The following SAMD4A variants were observed in gnomAD, a reference collection of about 807,000 sequenced individuals.
The protein encoded by SAMD4A is sterile alpha motif domain containing 4A.
In SAMD4A, 33 loss-of-function variants were observed where a neutral mutation model predicts 81.3. The ratio of observed to expected loss-of-function variants is 0.41; its 90% CI spans 0.31 to 0.54. The LOEUF (loss-of-function observed/expected upper bound fraction) is 0.54, where lower values mean the gene tolerates loss of function less well. Among genes scored for constraint, SAMD4A ranks in the 20% least tolerant of loss-of-function variants. The probability of loss-of-function intolerance (pLI) is 0.37; values close to 1 mark genes in which losing one functional copy is unlikely to be tolerated. For synonymous variants in SAMD4A, 389 were observed against 382.1 expected (o/e 1.02, Z -0.21); for missense variants, 854 against 951.1 (o/e 0.90, Z 1.34).
At chr14:54,771,677 A>T (rs991989392) in intron 9 of SAMD4A, among the ~76,000 whole-genome samples, 15 of 152,342 alleles carry the variant, frequency 9.8e-5, no homozygotes, top group African/African-American at 3.6e-4. Flanking sequence ...CTCTGAGAGC[A>T]GCAATACTTT....
chr14:54,779,356 C>T (rs184568122), intron 11 of SAMD4A, among the ~76,000 whole-genome samples: 30 of 152,336 alleles, frequency 2.0e-4, no homozygotes, highest in Middle Eastern at 6.8e-3. Flanking sequence ...ACTCGGAAAA[C>T]TGTTATCATA....
At chr14:54,705,555 C>G (rs1258380564) in intron 3 of SAMD4A, among the ~76,000 whole-genome samples, 2 of 141,694 alleles carry the variant, frequency 1.4e-5, no homozygotes, top group Non-Finnish European at 3.1e-5. Flanking sequence ...AACCAGAAGG[C>G]CAGCCACCTC....
At chr14:54,788,165 G>A (rs2039188337) in intron 12 of SAMD4A, among the ~76,000 whole-genome samples, 2 of 152,126 alleles carry the variant, frequency 1.3e-5, no homozygotes, top group African/African-American at 2.4e-5. Flanking sequence ...TCAGATTCTC[G>A]AGACAGAGAA....
chr14:54,760,728 A>T (rs1481784549), intron 7 of SAMD4A, among the ~76,000 whole-genome samples: 1 of 151,828 alleles, frequency 6.6e-6, no homozygotes, highest in Non-Finnish European at 1.5e-5. Context: ...TTCTCTCCCA[A>T]CTCCCTCAGA....
At chr14:54,644,207 G>A (rs1049678957) in intron 2 of SAMD4A, among the ~76,000 whole-genome samples, 2 of 152,210 alleles carry the variant, frequency 1.3e-5, no homozygotes, top group African/African-American at 4.8e-5. Flanking sequence ...CTGCTAAGGA[G>A]AATGGGACAG....
At chr14:54,724,003 T>TGGAAGGAAGGAAGGAA (rs1311416081) in intron 3 of SAMD4A, among the ~76,000 whole-genome samples, 2,351 of 55,942 alleles carry the variant, frequency 0.042, 24 homozygotes, top group Admixed American at 0.065. Flanking sequence ...GATGGATGGA[T>TGGAAGGAAGGAAGGAA]GGATGGAAGG....
chr14:54,792,696 C>T lies in SAMD4A; in HGVS notation c.*3752C>T, dbSNP rs943279640. 1.4e-5 allele frequency: 2 copies of T among 147,218 alleles called. No homozygotes were observed. Among genetic ancestry groups the T allele is most frequent in the South Asian group, 2.1e-4 (1 of 4,694 alleles). The allele number at this position is 147,218 out of a possible 1,614,324, so 9.1% of individuals were successfully genotyped here. A position where few individuals can be genotyped will look rare whatever the true frequency, so the allele number is the denominator to read the frequency against. ...ATTTGCACATGGAGCTGTGATAACA[C>T]TAATGTTGATTTTTTTTTTTTTTAC... is the stretch of plus-strand genomic sequence containing the variant. On this transcript the variant is annotated 3_prime_UTR_variant, in exon 13 of 13. Transcript: ENST00000554335.
intron 3 of SAMD4A, among the ~76,000 whole-genome samples, chr14:54,727,852 GT>G (rs2037466107): frequency 6.6e-6 from 1 of 152,164 alleles, no homozygotes; most frequent in Non-Finnish European, 1.5e-5. Context: ...GCACTACCTA[GT>G]TTGTATAACA....
intron 4 of SAMD4A, 25 bp downstream of exon 4, chr14:54,737,312 T>G: frequency 6.2e-7 from 1 of 1,612,352 alleles, no homozygotes; most frequent in Non-Finnish European, 8.5e-7. Context: ...GAGAAACCAC[T>G]GGGGAAAGAG....
intron 3 of SAMD4A, among the ~76,000 whole-genome samples, chr14:54,705,136 G>A (rs1957362): frequency 0.65 from 98,459 of 152,036 alleles, 32,699 homozygotes; most frequent in Admixed American, 0.71. Flanking sequence ...TTATGTAAAT[G>A]CCCAGCCTGG....
chr14:54,681,343 G>A (rs993795773), intron 2 of SAMD4A, among the ~76,000 whole-genome samples: 4 of 152,222 alleles, frequency 2.6e-5, no homozygotes, highest in African/African-American at 4.8e-5. Context: ...ATACTAATCA[G>A]ACATGAAAGC....
chr14:54,639,578 C>T (rs188276966), intron 2 of SAMD4A, among the ~76,000 whole-genome samples: 7 of 152,310 alleles, frequency 4.6e-5, no homozygotes, highest in East Asian at 1.9e-4. Flanking sequence ...CCTGTTACGG[C>T]GGGCAGTACT....
At chr14:54,731,768 A>C (rs543479750) in intron 3 of SAMD4A, among the ~76,000 whole-genome samples, 6 of 152,208 alleles carry the variant, frequency 3.9e-5, no homozygotes, top group Non-Finnish European at 8.8e-5. Flanking sequence ...CTCATAGGGC[A>C]TGATGAGAGC....
chr14:54,785,274 A>G (rs988473300), intron 12 of SAMD4A, among the ~76,000 whole-genome samples: 11 of 152,254 alleles, frequency 7.2e-5, no homozygotes, highest in African/African-American at 2.2e-4. Flanking sequence ...TGGCCCCACA[A>G]GCAGCTCACA....
chr14:54,698,258 T>C (rs942609320), intron 2 of SAMD4A, among the ~76,000 whole-genome samples: 1 of 152,266 alleles, frequency 6.6e-6, no homozygotes, highest in African/African-American at 2.4e-5. Context: ...AATACATTTA[T>C]ATAATGTTTA....
At chr14:54,698,370 C>T (rs766217961) in intron 2 of SAMD4A, among the ~76,000 whole-genome samples, 19 of 152,148 alleles carry the variant, frequency 1.2e-4, no homozygotes, top group African/African-American at 2.9e-4. Context: ...CTTATGGCCA[C>T]GCTGTTGTAG....
intron 2 of SAMD4A, among the ~76,000 whole-genome samples, chr14:54,676,604 A>G (rs1315158586): frequency 6.6e-6 from 1 of 152,114 alleles, no homozygotes; most frequent in African/African-American, 2.4e-5. Context: ...GCTGGTCTCA[A>G]ACTCCTGACC....
chr14:54,567,939 G>T lies in SAMD4A; in HGVS notation c.23G>T (p.Gly8Val). The T allele has an allele frequency of 6.2e-7, 1 of 1,609,484 alleles. No homozygotes were observed. The highest frequency in any genetic ancestry group is 8.5e-7 in the Non-Finnish European group (1 of 1,179,252). The change falls in exon 2 of 13, where the codon GGG becomes GTG. Residue 8 changes from glycine (G) to valine (V), a missense_variant. By Grantham distance (109) the Gly-to-Val change is moderately radical. Transcript: ENST00000554335. ...ACCATGATGTTTCGCGACCAGGTCG[G>T]GGTGCTGGCGGGCTGGTTTAAGGGC... is the stretch of plus-strand genomic sequence containing the variant. MMFRDQV[G>V]VLAGWFKGWN...
chr14:54,771,943 C>CT (rs1221403445), intron 9 of SAMD4A, among the ~76,000 whole-genome samples: 2 of 152,222 alleles, frequency 1.3e-5, no homozygotes, highest in Admixed American at 6.5e-5. Context: ...TTGGATTGGG[C>CT]TAACCCAAGG....
Sources: gnomAD v4.1 joint callset for allele counts (sites outside exome capture counted in the v4.1 genomes callset) on GRCh38, gnomAD v4.1.1 for gene constraint, MANE v1.5 for transcripts, NCBI Gene and HGNC (gene_info 2026-07-23, HGNC 2026-07-21) for gene names.